Variants in SPECC1 observed in about 807,000 individuals in gnomAD.
SPECC1 encodes the protein sperm antigen with calponin homology and coiled-coil domains 1.
A neutral mutation model predicts 104.1 loss-of-function variants in SPECC1; 62 were observed. That is an observed-to-expected ratio of 0.60 (90% confidence interval 0.49 to 0.74). The LOEUF (loss-of-function observed/expected upper bound fraction) is 0.74, where lower values mean the gene tolerates loss of function less well. SPECC1 is among the 30% of genes least tolerant of loss of function. The pLI is 0.00. For synonymous variants in SPECC1, 513 were observed against 501.6 expected, an observed-to-expected ratio of 1.02 and a Z score of -0.30; for missense variants, 1,306 against 1,310.5, an observed-to-expected ratio of 1.00 and a Z score of 0.05.
intron 4 of SPECC1, among the ~76,000 whole-genome samples, chr17:20,209,688 G>A (rs1382433794): frequency 6.6e-6 from 1 of 151,982 alleles, no homozygotes; most frequent in African/African-American, 2.4e-5. Context: ...TTTGAGGACG[G>A]GTCTGATTTC....
At chr17:20,223,542 G>A (rs556035102) in intron 4 of SPECC1, among the ~76,000 whole-genome samples, 85 of 151,956 alleles carry the variant, frequency 5.6e-4, no homozygotes, top group African/African-American at 2.0e-3. Context: ...GCGTGGTAGC[G>A]CCTGCCTGTA....
intron 3 of SPECC1, among the ~76,000 whole-genome samples, chr17:20,177,976 G>A (rs2034592001): frequency 6.6e-6 from 1 of 151,790 alleles, no homozygotes; most frequent in South Asian, 2.1e-4. Context: ...CCAAAGTGCT[G>A]GGATTAACAG....
At chr17:20,017,824 A>AG (rs2044207525) in intron 1 of SPECC1, among the ~76,000 whole-genome samples, 1 of 152,160 alleles carries the variant, frequency 6.6e-6, no homozygotes, top group African/African-American at 2.4e-5. Flanking sequence ...GGTCTTCCCA[A>AG]GAATATCTAA....
intron 1 of SPECC1, among the ~76,000 whole-genome samples, chr17:20,019,707 G>C (rs1198525082): frequency 6.6e-6 from 1 of 152,158 alleles, no homozygotes; most frequent in Non-Finnish European, 1.5e-5. Context: ...TCTTTAATTA[G>C]CCATATACAG....
At position 20,041,914 on chromosome 17, in the gene SPECC1, C is replaced by T. The variant is rs147923399; in HGVS notation, c.-22+32490C>T. 9.1e-4 allele frequency among the ~76,000 whole-genome samples: 138 copies of T among 152,218 alleles called. 2 individuals carry two copies. The Middle Eastern group carries it at 0.017, about 19-fold the overall frequency. ...TGCTGGGGTTACAGGCGTGAGCCAC[C>T]GCGCCCAGCCTGTTGAGGCTTATGA... On this transcript the variant is annotated intron_variant, in intron 1 of 14. Coordinates refer to ENST00000395527, the MANE Select transcript of SPECC1 (RefSeq NM_001243439.2).
At chr17:20,140,654 A>G (rs2030663347) in intron 3 of SPECC1, among the ~76,000 whole-genome samples, 1 of 152,228 alleles carries the variant, frequency 6.6e-6, no homozygotes, top group Admixed American at 6.5e-5. Flanking sequence ...CAGGTGTCCC[A>G]GAGAGGAGAC....
chr17:20,030,527 C>T (rs1252840057), intron 1 of SPECC1, among the ~76,000 whole-genome samples: 1 of 151,886 alleles, frequency 6.6e-6, no homozygotes, highest in African/African-American at 2.4e-5. Flanking sequence ...CAGTTATTTG[C>T]AAATATATTA....
chr17:20,066,704 T>C (rs1002747080), intron 1 of SPECC1, among the ~76,000 whole-genome samples: 2 of 152,180 alleles, frequency 1.3e-5, no homozygotes. Flanking sequence ...AATTTACAAA[T>C]AGAGTCTGAT....
intron 1 of SPECC1, among the ~76,000 whole-genome samples, chr17:20,036,246 C>T (rs57673732): frequency 0.11 from 16,823 of 152,208 alleles, 951 homozygotes; most frequent in Non-Finnish European, 0.12. Flanking sequence ...TCTCGTGCCT[C>T]AGCCTCCCAA....
intron 7 of SPECC1, among the ~76,000 whole-genome samples, chr17:20,244,597 T>C (rs1227425007): frequency 6.6e-6 from 1 of 152,124 alleles, no homozygotes. Flanking sequence ...TTCATGTTAT[T>C]TACAGAGCAA....
intron 1 of SPECC1, among the ~76,000 whole-genome samples, chr17:20,081,419 C>T (rs1279223276): frequency 6.6e-6 from 1 of 151,944 alleles, no homozygotes; most frequent in Non-Finnish European, 1.5e-5. Context: ...TGCAGCAGAG[C>T]ACAGGGAATG....
chr17:20,093,360 G>T (rs1365274192), intron 1 of SPECC1, among the ~76,000 whole-genome samples: 1 of 152,160 alleles, frequency 6.6e-6, no homozygotes. Context: ...CACAATGGGG[G>T]TTAGGTTCCA....
In SPECC1 at chr17:20,205,096, C is replaced by CT; in HGVS notation, c.1050dup (p.Lys351Ter). ...GGCCCCTGTCCTCCACCAGTAACCC[C>CT]TTTAAGAGTTCAAAGTGTTCTACTG... On this transcript the variant is annotated frameshift_variant, in exon 4 of 15. Transcript: ENST00000395527. LOFTEE classifies it high-confidence loss of function. The CT allele has an allele frequency of 2.5e-6, 4 of 1,614,186 alleles. No individual in the cohort carries two copies. In the South Asian group the frequency reaches 4.4e-5, roughly 18 times the overall value.
chr17:20,025,310 T>A (rs2044557986), intron 1 of SPECC1, among the ~76,000 whole-genome samples: 1 of 152,200 alleles, frequency 6.6e-6, no homozygotes, highest in East Asian at 1.9e-4. Flanking sequence ...GGAAATCAAT[T>A]TCTATGTTTA....
intron 3 of SPECC1, among the ~76,000 whole-genome samples, chr17:20,158,720 C>G (rs1339720043): frequency 6.6e-6 from 1 of 152,206 alleles, no homozygotes; most frequent in African/African-American, 2.4e-5. Flanking sequence ...GCTGTCAGCC[C>G]TCTGCAGTCC....
At chr17:20,097,194 T>C (rs562487537) in intron 2 of SPECC1, among the ~76,000 whole-genome samples, 4 of 152,328 alleles carry the variant, frequency 2.6e-5, no homozygotes, top group South Asian at 2.1e-4. Flanking sequence ...CGCTGTTGAT[T>C]ACGCCCTTCA....
chr17:20,177,001 C>T (rs925044305), intron 3 of SPECC1, among the ~76,000 whole-genome samples: 2 of 152,110 alleles, frequency 1.3e-5, no homozygotes, highest in Non-Finnish European at 2.9e-5. Flanking sequence ...CACAGCGGTA[C>T]CCTGAGCCAA....
At chr17:20,269,978 G>C (rs949890001) in intron 12 of SPECC1, among the ~76,000 whole-genome samples, 1 of 152,190 alleles carries the variant, frequency 6.6e-6, no homozygotes, top group Admixed American at 6.5e-5. Flanking sequence ...GTTCCCTGAA[G>C]ACGTGTTGCC....
chr17:20,129,579 T>C (rs183805637), intron 3 of SPECC1, among the ~76,000 whole-genome samples: 6 of 152,314 alleles, frequency 3.9e-5, no homozygotes, highest in African/African-American at 9.6e-5. Flanking sequence ...TGCAAATATG[T>C]TCTTCCAGTC....
Sources: gnomAD v4.1 joint callset for allele counts (sites outside exome capture counted in the v4.1 genomes callset) on GRCh38, gnomAD v4.1.1 for gene constraint, MANE v1.5 for transcripts, NCBI Gene and HGNC (gene_info 2026-07-23, HGNC 2026-07-21) for gene names.